The following SUGCT variants were observed in gnomAD, a reference collection of about 807,000 sequenced individuals.
The protein encoded by SUGCT is succinyl-CoA:glutarate CoA-transferase.
In SUGCT, 41 loss-of-function variants were observed where a neutral mutation model predicts 55.0. That is an observed-to-expected ratio of 0.74 (90% CI 0.58 to 0.97). SUGCT has a LOEUF of 0.97. SUGCT is among the 50% of genes least tolerant of loss of function. SUGCT has a pLI of 0.00. For missense variants in SUGCT, 568 were observed against 547.8 expected, an observed-to-expected ratio of 1.04 and a Z score of -0.37; for synonymous variants, 187 against 200.4, an observed-to-expected ratio of 0.93 and a Z score of 0.56.
At chr7:40,690,126 C>T (rs1784629601) in intron 12 of SUGCT, among the ~76,000 whole-genome samples, 1 of 152,100 alleles carries the variant, frequency 6.6e-6, no homozygotes. Flanking sequence ...CATAGTTGAG[C>T]CCCTTATTGT....
At chr7:40,866,724 TC>T in the SUGCT span, among the ~76,000 whole-genome samples, 1 of 152,090 alleles carries the variant, frequency 6.6e-6, no homozygotes, top group South Asian at 2.1e-4. Context: ...TTTGTCTCAT[TC>T]TCTAGCTTTA....
chr7:40,442,038 A>G (rs561048033), intron 9 of SUGCT, among the ~76,000 whole-genome samples: 1 of 152,252 alleles, frequency 6.6e-6, no homozygotes, highest in South Asian at 2.1e-4. Context: ...TCAAAGACCA[A>G]TCTTAGGAGG....
At chr7:40,713,372 C>T (rs926946516) in intron 12 of SUGCT, among the ~76,000 whole-genome samples, 1 of 152,174 alleles carries the variant, frequency 6.6e-6, no homozygotes, top group Non-Finnish European at 1.5e-5. Context: ...CTTCTAAGTC[C>T]TGTAGGTATG....
At chr7:40,560,495 G>C (rs1230238343) in intron 12 of SUGCT, among the ~76,000 whole-genome samples, 1 of 152,162 alleles carries the variant, frequency 6.6e-6, no homozygotes, top group Non-Finnish European at 1.5e-5. Context: ...GGTTAACACT[G>C]TCAGAGCATA....
At chr7:40,251,397 A>G (rs1398664742) in intron 7 of SUGCT, among the ~76,000 whole-genome samples, 2 of 152,184 alleles carry the variant, frequency 1.3e-5, no homozygotes, top group Non-Finnish European at 2.9e-5. Context: ...TCTATACTGC[A>G]ACAATAATTC....
chr7:40,291,904 G>A (rs530634327), intron 8 of SUGCT, among the ~76,000 whole-genome samples: 1 of 152,260 alleles, frequency 6.6e-6, no homozygotes, highest in South Asian at 2.1e-4. Context: ...GCTTAAAGAG[G>A]CAAGGAAACA....
intron 11 of SUGCT, among the ~76,000 whole-genome samples, chr7:40,460,675 C>A (rs1239439284): frequency 6.6e-6 from 1 of 152,106 alleles, no homozygotes; most frequent in Non-Finnish European, 1.5e-5. Context: ...TTATTCCTTG[C>A]TAAATTATGT....
intron 5 of SUGCT, among the ~76,000 whole-genome samples, chr7:40,192,789 G>A (rs1221531787): frequency 6.6e-6 from 1 of 151,598 alleles, no homozygotes; most frequent in Admixed American, 6.6e-5. Context: ...CCACCACCAT[G>A]CCTGGCTAAT....
chr7:40,515,904 A>G (rs1041711276), intron 12 of SUGCT, among the ~76,000 whole-genome samples: 5 of 152,218 alleles, frequency 3.3e-5, no homozygotes, highest in African/African-American at 1.2e-4. Flanking sequence ...ATATTTTCCA[A>G]CGTGGCTGCG....
chr7:40,626,748 G>T (rs780384328), intron 12 of SUGCT, among the ~76,000 whole-genome samples: 2 of 152,128 alleles, frequency 1.3e-5, no homozygotes, highest in Non-Finnish European at 2.9e-5. Flanking sequence ...GGGTCTTATT[G>T]TGTGTCCTAT....
chr7:40,922,222 G>A, the SUGCT span, among the ~76,000 whole-genome samples: 6 of 152,082 alleles, frequency 3.9e-5, no homozygotes, highest in South Asian at 2.1e-4. Context: ...ACCCCTTTTG[G>A]GCTTAGTAAA....
In SUGCT at chr7:40,748,419, TTAAC is replaced by T. The variant is rs940478788; in HGVS notation, c.1090-1011_1090-1008del. ...AATTTATGATTGTATATGATTGTTT[TTAAC>T]TAATTTAGATGTTTATTATTTAGGT... On this transcript the variant is annotated intron_variant, in intron 12 of 13. Coordinates refer to ENST00000335693, the MANE Select transcript of SUGCT (RefSeq NM_001193313.2). Among the ~76,000 whole-genome samples the T allele has an allele frequency of 1.9e-3, 292 of 152,186 alleles. 1 individual carries two copies. The highest frequency in any genetic ancestry group is 6.8e-3 in the African/African-American group (284 of 41,568).
intron 13 of SUGCT, among the ~76,000 whole-genome samples, chr7:40,794,801 A>G (rs1044275972): frequency 1.3e-5 from 2 of 152,154 alleles, no homozygotes; most frequent in African/African-American, 2.4e-5. Context: ...CGTCGAGAAG[A>G]TATTTTCAGG....
intron 11 of SUGCT, among the ~76,000 whole-genome samples, chr7:40,459,560 T>A (rs1233127054): frequency 6.6e-6 from 1 of 152,234 alleles, no homozygotes; most frequent in Non-Finnish European, 1.5e-5. Context: ...TTCACTTTGT[T>A]AAATGCTTTA....
At chr7:40,365,424 A>C (rs1433434509) in intron 9 of SUGCT, among the ~76,000 whole-genome samples, 8 of 151,894 alleles carry the variant, frequency 5.3e-5, no homozygotes, top group African/African-American at 9.7e-5. Flanking sequence ...GCAATCAGGC[A>C]GGAGAAGGAA....
chr7:40,368,700 TGAAAG>T (rs1170842822), intron 9 of SUGCT, among the ~76,000 whole-genome samples: 6 of 152,190 alleles, frequency 3.9e-5, no homozygotes, highest in Non-Finnish European at 2.9e-5. Flanking sequence ...CCTCATGAAA[TGAAAG>T]GAAGTCCATT....
chr7:40,950,439 AC>A, the SUGCT span, among the ~76,000 whole-genome samples: 2 of 152,166 alleles, frequency 1.3e-5, no homozygotes, highest in Non-Finnish European at 1.5e-5. Flanking sequence ...CTAATTGAAT[AC>A]ACTTTATTTC....
At chr7:40,786,659 A>T (rs1016979283) in intron 13 of SUGCT, among the ~76,000 whole-genome samples, 1 of 152,218 alleles carries the variant, frequency 6.6e-6, no homozygotes, top group Non-Finnish European at 1.5e-5. Flanking sequence ...TAATAAATGA[A>T]AAATAAGCTG....
chr7:40,828,326 C>T (rs1282734613), intron 13 of SUGCT, among the ~76,000 whole-genome samples: 1 of 152,136 alleles, frequency 6.6e-6, no homozygotes, highest in East Asian at 1.9e-4. Flanking sequence ...GGCTATAGGG[C>T]ACATGGTCTT....
Sources: gnomAD v4.1 joint callset for allele counts (sites outside exome capture counted in the v4.1 genomes callset) on GRCh38, gnomAD v4.1.1 for gene constraint, MANE v1.5 for transcripts, NCBI Gene and HGNC (gene_info 2026-07-23, HGNC 2026-07-21) for gene names.